The following WDR59 variants were observed in gnomAD, a reference collection of about 807,000 sequenced individuals.
The protein encoded by WDR59 is GATOR2 complex protein WDR59.
Under a neutral mutation model 131.2 loss-of-function variants are expected in WDR59, and 100 were observed. The ratio of observed to expected loss-of-function variants is 0.76; its 90% CI spans 0.65 to 0.90. The LOEUF is 0.90. WDR59 is among the 40% of genes least tolerant of loss of function. WDR59 has a pLI of 0.00. For synonymous variants in WDR59, 601 were observed against 466.2 expected (o/e 1.29, Z -3.72); for missense variants, 1,203 against 1,262.2 (o/e 0.95, Z 0.71).
At chr16:74,882,891 TAA>T (rs951545817) in intron 25 of WDR59, among the ~76,000 whole-genome samples, 2 of 149,582 alleles carry the variant, frequency 1.3e-5, no homozygotes, top group African/African-American at 4.9e-5. Flanking sequence ...CTACACAACT[TAA>T]AAGAGTCAAA....
intron 7 of WDR59, among the ~76,000 whole-genome samples, chr16:74,939,741 T>C (rs1215061770): frequency 6.6e-6 from 1 of 152,122 alleles, no homozygotes; most frequent in Non-Finnish European, 1.5e-5. Context: ...ATAATCCCAG[T>C]GTTCTGGGAG....
At chr16:74,931,253 A>G (rs1383299312) in intron 8 of WDR59, among the ~76,000 whole-genome samples, 1 of 152,204 alleles carries the variant, frequency 6.6e-6, no homozygotes, top group Admixed American at 6.5e-5. Flanking sequence ...CAAAATATTT[A>G]AAATTATTAA....
Position 74,899,875 on chromosome 16 carries a change from T to A in WDR59, c.1866+4072A>T, listed in dbSNP as rs952169326. 9.7e-6 allele frequency: 7 copies of A among 725,046 alleles called. 1 individual carries two copies. The Admixed American group carries it at 1.6e-4, about 17-fold the overall frequency. The allele number at this position is 725,046 out of a possible 1,614,324, so 44.9% of individuals were successfully genotyped here. A position where few individuals can be genotyped will look rare whatever the true frequency, so the allele number is the denominator to read the frequency against. On this transcript the variant is annotated intron_variant, in intron 18 of 25. Coordinates refer to ENST00000262144, the MANE Select transcript of WDR59 (RefSeq NM_030581.4). Reference sequence around the variant, plus strand: ...TCCGATGGATTCCAATGTACCATAATACACTGTACAGTTGGGATGGGAACG... The same window carrying A: ...TCCGATGGATTCCAATGTACCATAAAACACTGTACAGTTGGGATGGGAACG...
chr16:74,916,374 C>CT, intron 11 of WDR59, 115 bp from the exon 12 acceptor site: 13 of 1,332,448 alleles, frequency 9.8e-6, no homozygotes, highest in Non-Finnish European at 1.4e-5. Context: ...GATGTGTCAG[C>CT]CAAGAGCTGA....
At chr16:74,974,759 T>C (rs2034120534) in intron 1 of WDR59, among the ~76,000 whole-genome samples, 1 of 152,132 alleles carries the variant, frequency 6.6e-6, no homozygotes, top group African/African-American at 2.4e-5. Flanking sequence ...TAAATAGAAA[T>C]TGTGGGTACT....
intron 1 of WDR59, among the ~76,000 whole-genome samples, chr16:74,971,826 A>G (rs2145218641): frequency 6.6e-6 from 1 of 152,256 alleles, no homozygotes; most frequent in South Asian, 2.1e-4. Flanking sequence ...AACCTGCCTC[A>G]GGCTCCCAAG....
intron 25 of WDR59, among the ~76,000 whole-genome samples, chr16:74,882,114 G>A (rs1964514997): frequency 6.6e-6 from 1 of 152,022 alleles, no homozygotes; most frequent in Non-Finnish European, 1.5e-5. Flanking sequence ...GTATTTCTTT[G>A]TACATCCCAC....
chr16:74,985,105 A>G lies in WDR59; in HGVS notation c.-88T>C, dbSNP rs1327027399. ...CCGGGACCGTGCGCCCCACACAGCC[A>G]GAGAATCAGCCCCGACACGCCCCGT... On this transcript the variant is annotated 5_prime_UTR_variant, in exon 1 of 26. Transcript: ENST00000262144. The G allele has an allele frequency of 3.8e-6, 5 of 1,323,950 alleles. No homozygotes were observed. The highest frequency in any genetic ancestry group is 2.0e-5 in the Admixed American group (1 of 49,852). 82.0% of individuals were successfully genotyped at this position (1,323,950 alleles called of 1,614,324 possible). A position where few individuals can be genotyped will look rare whatever the true frequency, so the allele number is the denominator to read the frequency against.
At chr16:74,915,281 C>G (rs937415622) in intron 13 of WDR59, among the ~76,000 whole-genome samples, 2 of 152,110 alleles carry the variant, frequency 1.3e-5, no homozygotes, top group African/African-American at 4.8e-5. Context: ...TCTTCCTCTA[C>G]AGTAAAATGA....
intron 1 of WDR59, among the ~76,000 whole-genome samples, chr16:74,980,870 CAGG>C (rs978909390): frequency 3.3e-5 from 5 of 151,746 alleles, no homozygotes; most frequent in African/African-American, 1.2e-4. Flanking sequence ...ACTCAGGAGG[CAGG>C]AGAAGCACTT....
intron 7 of WDR59, among the ~76,000 whole-genome samples, chr16:74,940,469 A>T (rs903699189): frequency 2.0e-5 from 3 of 152,140 alleles, no homozygotes; most frequent in Admixed American, 6.6e-5. Flanking sequence ...ATAAATGTAA[A>T]ACTCTTAAAA....
Position 74,923,423 on chromosome 16 carries a change from G to C in WDR59, c.729+503C>G, listed in dbSNP as rs16950366. Among the ~76,000 whole-genome samples the C allele has an allele frequency of 2.6e-3, 395 of 152,114 alleles. 1 individual carries two copies. Among genetic ancestry groups the C allele is most frequent in the African/African-American group, 8.9e-3 (370 of 41,470 alleles). The stretch of plus-strand genomic sequence containing the variant: ...TGGCCTAGCTTCTCTGTGGAGCTTT[G>C]ATCAGCAATTCTGATGTAGATACTT... On this transcript the variant is annotated intron_variant, in intron 9 of 25. Coordinates refer to ENST00000262144, the MANE Select transcript of WDR59 (RefSeq NM_030581.4).
At position 74,874,358 on chromosome 16, in the gene WDR59, T is replaced by C; in HGVS notation, c.2776A>G (p.Ile926Val). The C allele has an allele frequency of 6.2e-7, 1 of 1,614,144 alleles. No individual in the cohort carries two copies. Among genetic ancestry groups the C allele is most frequent in the Non-Finnish European group, 8.5e-7 (1 of 1,180,026 alleles). The part of the protein sequence containing the change: ...ICKGFTFQCA[I>V]CHVAVRGSSN... ...GATCCCCGCACAGCCACGTGACAGA[T>C]GGCACACTGGAACGTGAAGCCTTTG... Residue 926 changes from isoleucine (I) to valine (V), a missense_variant, in exon 26 of 26, where the codon ATC (isoleucine) becomes GTC (valine). Ile to Val is a conservative substitution (Grantham distance 29, BLOSUM62 3). Transcript: ENST00000262144.
chr16:74,980,139 G>A (rs11866976), intron 1 of WDR59, among the ~76,000 whole-genome samples: 7,979 of 151,764 alleles, frequency 0.053, 220 homozygotes, highest in South Asian at 0.077. Context: ...AGTTATACGC[G>A]TGAGCCACCA....
At chr16:74,929,384 T>C (rs564593062) in intron 8 of WDR59, among the ~76,000 whole-genome samples, 12 of 152,262 alleles carry the variant, frequency 7.9e-5, no homozygotes, top group African/African-American at 2.6e-4. Flanking sequence ...TGAACAGACA[T>C]CTCTCAAAGG....
At chr16:74,967,496 G>C (rs16951478) in intron 1 of WDR59, among the ~76,000 whole-genome samples, 11,316 of 152,118 alleles carry the variant, frequency 0.074, 490 homozygotes, top group Middle Eastern at 0.13. Context: ...AACATTCACT[G>C]AACACAAATC....
chr16:74,904,733 T>C (rs1379378718), intron 17 of WDR59, among the ~76,000 whole-genome samples: 2 of 152,164 alleles, frequency 1.3e-5, no homozygotes, highest in African/African-American at 4.8e-5. Flanking sequence ...ATAATATAAT[T>C]GGAGGACTTG....
chr16:74,892,447 A>G, intron 20 of WDR59, 37 bp downstream of exon 20: 1 of 1,560,736 alleles, frequency 6.4e-7, no homozygotes, highest in East Asian at 2.2e-5. Context: ...GCTCCTGAAG[A>G]AAAATCCAAA....
chr16:74,917,575 G>A (rs1465488035), intron 11 of WDR59, among the ~76,000 whole-genome samples: 1 of 152,146 alleles, frequency 6.6e-6, no homozygotes, highest in Non-Finnish European at 1.5e-5. Flanking sequence ...GTGGGAGGCT[G>A]AGGCAGGTGG....
Sources: allele counts gnomAD v4.1 joint callset (sites outside exome capture counted in the v4.1 genomes callset), GRCh38; gene constraint gnomAD v4.1.1; transcripts MANE v1.5; gene names NCBI Gene and HGNC (gene_info 2026-07-23, HGNC 2026-07-21).